XRCC5: variants seen among roughly 807,000 people sequenced by gnomAD.
The protein encoded by XRCC5 is DNA repair protein Ku80.
XRCC5 carries 12 observed loss-of-function variants against 95.7 expected under a neutral mutation model. That is an observed-to-expected ratio of 0.13 (90% CI 0.08 to 0.20). XRCC5 has a LOEUF of 0.20. Among genes scored for constraint, XRCC5 ranks in the 10% least tolerant of loss-of-function variants. The pLI is 1.00. For missense variants in XRCC5, 595 were observed against 873.9 expected, an observed-to-expected ratio of 0.68 and a Z score of 4.02; for synonymous variants, 281 against 290.3, an observed-to-expected ratio of 0.97 and a Z score of 0.33.
intron 6 of XRCC5, among the ~76,000 whole-genome samples, chr2:216,125,631 A>G (rs1374283409): frequency 6.6e-6 from 1 of 152,230 alleles, no homozygotes; most frequent in Non-Finnish European, 1.5e-5. Context: ...AAAAATGTTA[A>G]GAACCTCTGG....
chr2:216,144,965 G>A (rs1688596449), intron 13 of XRCC5, among the ~76,000 whole-genome samples: 2 of 152,176 alleles, frequency 1.3e-5, no homozygotes, highest in Admixed American at 6.5e-5. Flanking sequence ...TAGAAAACTA[G>A]GAGAAATGCA....
chr2:216,158,876 A>C (rs1688895909), intron 14 of XRCC5, among the ~76,000 whole-genome samples: 1 of 152,138 alleles, frequency 6.6e-6, no homozygotes, highest in African/African-American at 2.4e-5. Context: ...GCTTCATTTT[A>C]TTTTTAAAAT....
intron 10 of XRCC5, among the ~76,000 whole-genome samples, chr2:216,135,798 C>CA (rs34520726): frequency 9.9e-4 from 137 of 138,922 alleles, no homozygotes; most frequent in Non-Finnish European, 9.3e-4. Context: ...GACTCTGTCT[C>CA]AAAAAAAAAA....
chr2:216,125,875 T>C lies in XRCC5; in HGVS notation c.684-42T>C. On this transcript the variant is annotated intron_variant, in intron 6 of 20. Coordinates refer to ENST00000392132, the MANE Select transcript of XRCC5 (RefSeq NM_021141.4). ...ATGCATCATCCAGCACAAGTTAACA[T>C]TTAAAAATTGTTGCTTTCATTTTAT... 3.3e-6 allele frequency: 5 copies of C among 1,497,462 alleles called. No individual in the cohort carries two copies. In the East Asian group the frequency reaches 1.1e-4, roughly 34 times the overall value. 92.8% of individuals were successfully genotyped at this position (1,497,462 alleles called of 1,614,324 possible).
Position 216,141,411 on chromosome 2 carries a change from T to C in XRCC5, c.1476+92T>C, listed in dbSNP as rs951831471. 36 of 1,370,264 alleles carry C rather than the reference T, an allele frequency of 2.6e-5. No individual in the cohort carries two copies. The African/African-American group carries it at 3.9e-4, about 15-fold the overall frequency. The allele number at this position is 1,370,264 out of a possible 1,614,324, so 84.9% of individuals were successfully genotyped here. ...GTAATTGGCCAGTCCTAAATAAATG[T>C]CTTTTTTCTCTGAAGGCCCCATTTG... is the stretch of plus-strand genomic sequence containing the variant. On this transcript the variant is annotated intron_variant, in intron 13 of 20. Coordinates refer to ENST00000392132, the MANE Select transcript of XRCC5 (RefSeq NM_021141.4).
intron 12 of XRCC5, among the ~76,000 whole-genome samples, chr2:216,139,953 TA>T (rs1697147456): frequency 1.3e-5 from 2 of 152,250 alleles, no homozygotes; most frequent in Non-Finnish European, 2.9e-5. Flanking sequence ...AATGGAACAT[TA>T]AAGTTATTTC....
intron 1 of XRCC5, among the ~76,000 whole-genome samples, chr2:216,109,743 C>A (rs1696551454): frequency 6.6e-6 from 1 of 150,682 alleles, no homozygotes; most frequent in South Asian, 2.1e-4. Flanking sequence ...TCACCTGCCT[C>A]CCCACCCGCC....
intron 16 of XRCC5, 136 bp from the exon 17 acceptor site, chr2:216,190,089 A>G (rs1334349483): frequency 1.5e-5 from 9 of 601,402 alleles, no homozygotes; most frequent in Non-Finnish European, 2.4e-5. Flanking sequence ...TCTCTCCCCT[A>G]AAAGAAGTAT....
chr2:216,196,520 GT>G (rs1437465085), intron 19 of XRCC5, among the ~76,000 whole-genome samples: 1 of 152,122 alleles, frequency 6.6e-6, no homozygotes, highest in African/African-American at 2.4e-5. Context: ...GTCTGTGTGT[GT>G]GTATGCACAT....
chr2:216,182,422 C>G (rs1054464429), intron 16 of XRCC5, among the ~76,000 whole-genome samples: 2 of 152,148 alleles, frequency 1.3e-5, no homozygotes, highest in Non-Finnish European at 2.9e-5. Context: ...TCACTATTAT[C>G]TTACATTTTT....
At chr2:216,128,870 G>A (rs569102578) in intron 8 of XRCC5, among the ~76,000 whole-genome samples, 5 of 152,294 alleles carry the variant, frequency 3.3e-5, no homozygotes, top group South Asian at 2.1e-4. Context: ...AAAGACACTC[G>A]TTCACATATT....
intron 19 of XRCC5, among the ~76,000 whole-genome samples, chr2:216,195,543 T>G (rs1448855644): frequency 6.6e-6 from 1 of 151,998 alleles, no homozygotes; most frequent in East Asian, 1.9e-4. Context: ...CAGGTGATTG[T>G]ATTGTATAGT....
At chr2:216,160,812 T>G (rs770344619) in intron 15 of XRCC5, among the ~76,000 whole-genome samples, 1 of 152,146 alleles carries the variant, frequency 6.6e-6, no homozygotes, top group Non-Finnish European at 1.5e-5. Context: ...CTTGAAATCC[T>G]GAGCTCAAGT....
chr2:216,167,556 GTGTGTGTGTGGGTT>G (rs1430678653), intron 16 of XRCC5, among the ~76,000 whole-genome samples: 1 of 144,614 alleles, frequency 6.9e-6, no homozygotes, highest in African/African-American at 2.6e-5. Context: ...TCTCTCTCGT[GTGTGTGTGTGGGTT>G]TGTGTGTGTG....
intron 16 of XRCC5, among the ~76,000 whole-genome samples, chr2:216,188,398 A>G (rs576173894): frequency 1.3e-5 from 2 of 152,352 alleles, no homozygotes; most frequent in South Asian, 2.1e-4. Context: ...CTTGTCTTCA[A>G]CTTAATTCTG....
chr2:216,116,838 T>C lies in XRCC5; in HGVS notation c.315T>C (p.Ala105=). 1 of 1,613,520 alleles carries C rather than the reference T, an allele frequency of 6.2e-7. No homozygotes were observed. Among genetic ancestry groups the C allele is most frequent in the Non-Finnish European group, 8.5e-7 (1 of 1,179,480 alleles). ...AAATCCAACCAGGTTCTCAACAGGC[T>C]GACTGTATCCTTTTTCTGCCAGAGA... The part of the protein sequence containing the change: ...ESKIQPGSQQ[A]DFLDALIVSM... The change falls in exon 3 of 21, where the codon GCT becomes GCC. Residue 105 remains alanine (A), a synonymous_variant. Coordinates refer to ENST00000392132, the MANE Select transcript of XRCC5 (RefSeq NM_021141.4).
In XRCC5 at chr2:216,143,503, G is replaced by A. The variant is rs558582978; in HGVS notation, c.1476+2184G>A. The stretch of plus-strand genomic sequence containing the variant: ...TTATTGGAATAACAAACAGATACAA[G>A]CCATAAATGCAGGCATTTTTATATT... On this transcript the variant is annotated intron_variant, in intron 13 of 20. Transcript: ENST00000392132. 7.9e-5 allele frequency among the ~76,000 whole-genome samples: 12 copies of A among 152,238 alleles called. No homozygotes were observed. In the South Asian group the frequency reaches 2.5e-3, roughly 32 times the overall value.
intron 14 of XRCC5, among the ~76,000 whole-genome samples, chr2:216,154,915 T>G (rs1050166994): frequency 1.3e-5 from 2 of 151,970 alleles, no homozygotes; most frequent in Non-Finnish European, 2.9e-5. Flanking sequence ...AATCCAACTA[T>G]CTAGAGAAAA....
chr2:216,197,338 A>G (rs1689742957), intron 19 of XRCC5, among the ~76,000 whole-genome samples: 1 of 150,904 alleles, frequency 6.6e-6, no homozygotes, highest in Non-Finnish European at 1.5e-5. Flanking sequence ...GTTTAAGACA[A>G]CTCTCCTGAG....
Sources: allele counts gnomAD v4.1 joint callset (sites outside exome capture counted in the v4.1 genomes callset), GRCh38; gene constraint gnomAD v4.1.1; transcripts MANE v1.5; gene names NCBI Gene and HGNC (gene_info 2026-07-23, HGNC 2026-07-21).